FRAS1: variants seen among roughly 807,000 people sequenced by gnomAD.
FRAS1 encodes extracellular matrix organizing protein FRAS1.
A neutral mutation model predicts 435.2 loss-of-function variants in FRAS1; 290 were observed. That is an observed-to-expected ratio of 0.67 (90% CI 0.61 to 0.73). FRAS1 has a LOEUF of 0.73. Ranked by LOEUF, FRAS1 falls within the 30% of genes least tolerant of loss-of-function variation. The pLI, the probability that FRAS1 is intolerant of heterozygous loss-of-function variation, is 0.00. For missense variants in FRAS1, 4,860 were observed against 5,001.5 expected (o/e 0.97, Z 0.85); for synonymous variants, 1,800 against 1,851.0 (o/e 0.97, Z 0.71).
chr4:78,178,958 C>T (rs148376084), intron 2 of FRAS1, among the ~76,000 whole-genome samples: 91 of 152,188 alleles, frequency 6.0e-4, no homozygotes, highest in African/African-American at 2.0e-3. Context: ...CACAGATGTT[C>T]GAGGGGAGCG....
chr4:78,190,107 C>T (rs1183341453), intron 2 of FRAS1, among the ~76,000 whole-genome samples: 5 of 152,206 alleles, frequency 3.3e-5, no homozygotes, highest in African/African-American at 1.2e-4. Flanking sequence ...ATAATTTCTT[C>T]TGATGCTTTT....
chr4:78,082,866 G>A (rs1740958131), intron 2 of FRAS1, among the ~76,000 whole-genome samples: 1 of 152,052 alleles, frequency 6.6e-6, no homozygotes. Context: ...AGAAGTATTG[G>A]TTGTGAGTTA....
intron 3 of FRAS1, among the ~76,000 whole-genome samples, chr4:78,242,713 G>A (rs1025260453): frequency 6.6e-5 from 10 of 152,216 alleles, no homozygotes; most frequent in Admixed American, 6.5e-4. Flanking sequence ...TGGGATTATA[G>A]GTGTGAGCCA....
intron 71 of FRAS1, among the ~76,000 whole-genome samples, chr4:78,535,057 A>G (rs111831933): frequency 9.3e-4 from 141 of 152,208 alleles, no homozygotes; most frequent in African/African-American, 3.2e-3. Context: ...GCTGGATTCT[A>G]TCCTATCTTT....
At chr4:78,221,372 C>T (rs1724044455) in intron 2 of FRAS1, among the ~76,000 whole-genome samples, 1 of 152,012 alleles carries the variant, frequency 6.6e-6, no homozygotes, top group Non-Finnish European at 1.5e-5. Flanking sequence ...AACTTCTGGG[C>T]TGATTAATTG....
At chr4:78,234,480 C>T (rs1237606747) in intron 2 of FRAS1, among the ~76,000 whole-genome samples, 1 of 152,090 alleles carries the variant, frequency 6.6e-6, no homozygotes, top group Non-Finnish European at 1.5e-5. Context: ...CCGCCTCGGC[C>T]CCCGAAAGTG....
At chr4:78,060,589 T>C (rs1339622050) in intron 1 of FRAS1, among the ~76,000 whole-genome samples, 2 of 152,182 alleles carry the variant, frequency 1.3e-5, no homozygotes, top group African/African-American at 2.4e-5. Flanking sequence ...GCTCAAAAAA[T>C]TGGTCAGATG....
chr4:78,508,917 G>C lies in FRAS1; in HGVS notation c.9691G>C (p.Glu3231Gln), dbSNP rs1720938422. 1.2e-6 allele frequency: 2 copies of C among 1,613,850 alleles called. No homozygotes were observed. Among genetic ancestry groups the C allele is most frequent in the Admixed American group, 1.7e-5 (1 of 59,998 alleles). ...CCAGACATCTGTGCAGTTCAGCTGG[G>C]AAGTGGCTGCCCCCACTGATGGCAA... ...INQTSVQFSW[E>Q]VAAPTDGNGA... Residue 3231 changes from glutamate (E) to glutamine (Q), a missense_variant, in exon 63 of 74, where the codon GAA becomes CAA. Glu to Gln is a conservative substitution (Grantham distance 29). Coordinates refer to ENST00000512123, the MANE Select transcript of FRAS1 (RefSeq NM_025074.7).
intron 2 of FRAS1, among the ~76,000 whole-genome samples, chr4:78,112,989 C>G (rs1230718166): frequency 6.6e-6 from 1 of 152,160 alleles, no homozygotes; most frequent in Non-Finnish European, 1.5e-5. Context: ...CCCTCCACCC[C>G]ACAACAGGCC....
At position 78,372,863 on chromosome 4, in the gene FRAS1, G is replaced by A. The variant is rs1731571008; in HGVS notation, c.3010+5G>A. ...AGGACTCGGGCCTCTGCAAGAGTAA[G>A]TGTGTAGAGGCCCTGCTCTGTGCTC... On this transcript the variant is annotated splice_donor_5th_base_variant and intron_variant, in intron 24 of 73. Transcript: ENST00000512123. The A allele has an allele frequency of 1.2e-6, 2 of 1,612,010 alleles. No homozygotes were observed. The highest frequency in any genetic ancestry group is 1.7e-6 in the Non-Finnish European group (2 of 1,179,532).
intron 67 of FRAS1, among the ~76,000 whole-genome samples, chr4:78,520,282 T>G (rs1255035287): frequency 6.6e-6 from 1 of 151,620 alleles, no homozygotes; most frequent in Non-Finnish European, 1.5e-5. Context: ...TCATTTTTAG[T>G]GTCCTGTACT....
rs1440134689 is a variant in FRAS1, at chr4:78,482,901, A to C, written c.8752+366A>C. ...GAGCAGAGGGAACTGAACAGGAACT[A>C]CAAGTGGGGGAAATTATAGATTTCA... On this transcript the variant is annotated intron_variant, in intron 58 of 73. Transcript: ENST00000512123. Among the ~76,000 whole-genome samples, 3 of 152,232 alleles carry C rather than the reference A, an allele frequency of 2.0e-5. No homozygotes were observed. The East Asian group carries it at 5.8e-4, about 29-fold the overall frequency.
intron 70 of FRAS1, among the ~76,000 whole-genome samples, chr4:78,528,025 G>A (rs1309400879): frequency 6.6e-6 from 1 of 152,068 alleles, no homozygotes; most frequent in African/African-American, 2.4e-5. Context: ...GGAAGCAGGT[G>A]AAAGGAGAAT....
At chr4:78,517,371 G>A (rs1721242234) in intron 66 of FRAS1, among the ~76,000 whole-genome samples, 1 of 152,134 alleles carries the variant, frequency 6.6e-6, no homozygotes, top group African/African-American at 2.4e-5. Flanking sequence ...TCAAAAATTA[G>A]TATTCTCTGT....
At chr4:78,178,298 C>A (rs1209808984) in intron 2 of FRAS1, among the ~76,000 whole-genome samples, 1 of 152,170 alleles carries the variant, frequency 6.6e-6, no homozygotes, top group Non-Finnish European at 1.5e-5. Context: ...AAAGGGATTT[C>A]TGCTCTAAGT....
intron 14 of FRAS1, among the ~76,000 whole-genome samples, chr4:78,286,748 C>T (rs1443201561): frequency 4.6e-5 from 7 of 152,172 alleles, no homozygotes; most frequent in East Asian, 1.9e-4. Flanking sequence ...TTAGGTTATT[C>T]GGTTCTTATC....
chr4:78,269,891 G>T (rs1194917044), intron 9 of FRAS1, among the ~76,000 whole-genome samples: 1 of 152,118 alleles, frequency 6.6e-6, no homozygotes, highest in Non-Finnish European at 1.5e-5. Context: ...TAGGCGCGTG[G>T]TAAATGTGAG....
At chr4:78,270,860 T>C (rs7438056) in intron 9 of FRAS1, among the ~76,000 whole-genome samples, 143,862 of 152,162 alleles carry the variant, frequency 0.95, 68,406 homozygotes, top group Non-Finnish European at 1. Context: ...CTTTCTATAG[T>C]ACCCACTGCT....
At chr4:78,440,254 G>A (rs933711258) in intron 40 of FRAS1, among the ~76,000 whole-genome samples, 3 of 151,642 alleles carry the variant, frequency 2.0e-5, no homozygotes, top group Admixed American at 6.6e-5. Context: ...GGATGGTCTC[G>A]ATCTCCTGAC....
Sources: allele counts gnomAD v4.1 joint callset (sites outside exome capture counted in the v4.1 genomes callset), GRCh38; gene constraint gnomAD v4.1.1; transcripts MANE v1.5; gene names NCBI Gene and HGNC (gene_info 2026-07-23, HGNC 2026-07-21).